Variants in KDM2A observed in about 807,000 individuals in gnomAD.
KDM2A encodes lysine demethylase 2A, also known as lysine-specific demethylase 2A.
Under a neutral mutation model 137.3 loss-of-function variants are expected in KDM2A, and 3 were observed. The ratio of observed to expected loss-of-function variants is 0.02; its 90% CI spans 0.01 to 0.06. KDM2A has a LOEUF of 0.06. Among genes scored for constraint, KDM2A ranks in the 10% least tolerant of loss-of-function variants. The pLI, the probability that KDM2A is intolerant of heterozygous loss-of-function variation, is 1.00. For missense variants in KDM2A, 738 were observed against 1,510.6 expected (o/e 0.49, Z 8.48); for synonymous variants, 512 against 541.5 (o/e 0.95, Z 0.76).
intron 17 of KDM2A, 196 bp from the exon 18 acceptor site, chr11:67,252,498 G>T: frequency 1.6e-6 from 1 of 608,556 alleles, no homozygotes; most frequent in Non-Finnish European, 3.0e-6. Context: ...GGTTTGCAAA[G>T]CGTCTAGTTG....
chr11:67,176,328 C>T (rs1181127003), intron 2 of KDM2A, among the ~76,000 whole-genome samples: 12 of 152,130 alleles, frequency 7.9e-5, no homozygotes, highest in Admixed American at 6.5e-4. Flanking sequence ...CATTTTCTTA[C>T]GTGTTTATGT....
intron 5 of KDM2A, among the ~76,000 whole-genome samples, chr11:67,191,871 A>G (rs1857363394): frequency 6.6e-6 from 1 of 152,202 alleles, no homozygotes; most frequent in Non-Finnish European, 1.5e-5. Flanking sequence ...AAGGCATACA[A>G]ATTGTAAAGG....
intron 2 of KDM2A, among the ~76,000 whole-genome samples, chr11:67,154,316 C>T (rs78758407): frequency 0.026 from 3,894 of 152,182 alleles, 59 homozygotes; most frequent in Non-Finnish European, 0.037. Flanking sequence ...AGAAAATTAA[C>T]CATTGATCAT....
At chr11:67,169,113 G>T (rs776747524) in intron 2 of KDM2A, among the ~76,000 whole-genome samples, 2 of 150,480 alleles carry the variant, frequency 1.3e-5, no homozygotes, top group Non-Finnish European at 3.0e-5. Flanking sequence ...CTGCCACCGC[G>T]CCTGGCCAAT....
At chr11:67,125,185 T>G (rs1285051839) in intron 2 of KDM2A, among the ~76,000 whole-genome samples, 5 of 151,152 alleles carry the variant, frequency 3.3e-5, no homozygotes, top group Non-Finnish European at 7.4e-5. Flanking sequence ...TTTTTTTTTT[T>G]TCTTTTTTTT....
chr11:67,142,667 G>A (rs1170881485), intron 2 of KDM2A, among the ~76,000 whole-genome samples: 1 of 151,258 alleles, frequency 6.6e-6, no homozygotes, highest in Non-Finnish European at 1.5e-5. Context: ...TTGCACCATC[G>A]CACTCCAGAC....
At chr11:67,156,762 G>T (rs1041162373) in intron 2 of KDM2A, among the ~76,000 whole-genome samples, 1 of 150,648 alleles carries the variant, frequency 6.6e-6, no homozygotes, top group African/African-American at 2.4e-5. Flanking sequence ...GGTGGCATGT[G>T]CCTGTAATCC....
intron 5 of KDM2A, among the ~76,000 whole-genome samples, chr11:67,206,449 T>G (rs910750347): frequency 1.2e-4 from 18 of 148,852 alleles, no homozygotes; most frequent in African/African-American, 4.5e-4. Flanking sequence ...ATTAAAGAAA[T>G]AAATAGGCTG....
chr11:67,159,509 A>G (rs1856590633), intron 2 of KDM2A, among the ~76,000 whole-genome samples: 1 of 152,210 alleles, frequency 6.6e-6, no homozygotes, highest in African/African-American at 2.4e-5. Flanking sequence ...GAGCACTTCA[A>G]ATTGTATCAG....
chr11:67,162,587 G>A (rs932807298), intron 2 of KDM2A, among the ~76,000 whole-genome samples: 2 of 152,044 alleles, frequency 1.3e-5, no homozygotes, highest in Non-Finnish European at 2.9e-5. Flanking sequence ...TGTATTTTTA[G>A]TAGAGATGGG....
intron 2 of KDM2A, among the ~76,000 whole-genome samples, chr11:67,164,643 C>T (rs1285906766): frequency 6.0e-5 from 9 of 151,106 alleles, no homozygotes; most frequent in South Asian, 2.1e-4. Context: ...TTTTTGGAAA[C>T]GACATCTTGC....
At chr11:67,231,417 A>C in intron 11 of KDM2A, 149 bp from the exon 12 acceptor site, 1 of 728,680 alleles carries the variant, frequency 1.4e-6, no homozygotes. Flanking sequence ...AACAGTGGAC[A>C]AATGGGTTGG....
intron 10 of KDM2A, among the ~76,000 whole-genome samples, chr11:67,225,917 T>C (rs531277992): frequency 6.6e-6 from 1 of 151,946 alleles, no homozygotes; most frequent in East Asian, 1.9e-4. Context: ...ACATAAAAAT[T>C]AGCTGGTCAT....
Position 67,257,181 on chromosome 11 carries a change from G to A in KDM2A, c.*2126G>A, listed in dbSNP as rs1424467066. On this transcript the variant is annotated 3_prime_UTR_variant, in exon 21 of 21. Transcript: ENST00000529006. Reference sequence around the variant, plus strand: ...TGCCGGGAGAGTGCCTCTGACTTTGGGACATTTCATCCACAGAAATTTCCA... The same window carrying A: ...TGCCGGGAGAGTGCCTCTGACTTTGAGACATTTCATCCACAGAAATTTCCA... 3 of 152,184 alleles carry A rather than the reference G, an allele frequency of 2.0e-5. No homozygotes were observed. The highest frequency in any genetic ancestry group is 4.4e-5 in the Non-Finnish European group (3 of 68,014). The allele number at this position is 152,184 out of a possible 1,614,324, so 9.4% of individuals were successfully genotyped here.
intron 18 of KDM2A, among the ~76,000 whole-genome samples, chr11:67,253,221 A>T (rs1859490860): frequency 6.6e-6 from 1 of 152,216 alleles, no homozygotes; most frequent in Non-Finnish European, 1.5e-5. Context: ...GAAAGACAGG[A>T]AGTCACTCCT....
At chr11:67,247,037 T>TTATATA (rs59101290) in intron 15 of KDM2A, among the ~76,000 whole-genome samples, 85 of 33,068 alleles carry the variant, frequency 2.6e-3, no homozygotes, top group East Asian at 7.9e-3. Context: ...ATAAATTATT[T>TTATATA]TATATATATA....
chr11:67,187,869 C>T (rs1267688335), intron 5 of KDM2A, among the ~76,000 whole-genome samples: 8 of 152,112 alleles, frequency 5.3e-5, no homozygotes, highest in African/African-American at 9.7e-5. Context: ...GCCATGGCAC[C>T]GGGCCCTAAA....
At chr11:67,219,427 G>A in intron 10 of KDM2A, 24 bp downstream of exon 10, 1 of 1,346,924 alleles carries the variant, frequency 7.4e-7, no homozygotes, top group Non-Finnish European at 1.0e-6. Context: ...TGTAACAGTT[G>A]CATGTGAAGA....
At position 67,164,689 on chromosome 11, in the gene KDM2A, C is replaced by T. The variant is rs958113006; in HGVS notation, c.43-15390C>T. Among the ~76,000 whole-genome samples the T allele has an allele frequency of 4.6e-5, 7 of 151,692 alleles. No individual in the cohort carries two copies. In the East Asian group the frequency reaches 1.2e-3, roughly 25 times the overall value. ...AGGCTGGAGTGTAGTGGCACAATCT[C>T]GGCTCACGGCAACCTCCACCTCCCA... On this transcript the variant is annotated intron_variant, in intron 2 of 20. Coordinates refer to ENST00000529006, the MANE Select transcript of KDM2A (RefSeq NM_012308.3).
Sources: allele counts gnomAD v4.1 joint callset (sites outside exome capture counted in the v4.1 genomes callset), GRCh38; gene constraint gnomAD v4.1.1; transcripts MANE v1.5; gene names NCBI Gene and HGNC (gene_info 2026-07-23, HGNC 2026-07-21).